PTGR1: variants seen among roughly 807,000 people sequenced by gnomAD.
PTGR1 encodes prostaglandin reductase 1.
Under a neutral mutation model 37.7 loss-of-function variants are expected in PTGR1, and 23 were observed. The ratio of observed to expected loss-of-function variants is 0.61; its 90% CI spans 0.44 to 0.86. The LOEUF is 0.86. Ranked by LOEUF, PTGR1 falls within the 40% of genes least tolerant of loss-of-function variation. The pLI is 0.00. For synonymous variants in PTGR1, 134 were observed against 140.0 expected (o/e 0.96, Z 0.30); for missense variants, 351 against 394.3 (o/e 0.89, Z 0.93).
intron 9 of PTGR1, among the ~76,000 whole-genome samples, chr9:111,553,584 A>C (rs1014060598): frequency 6.6e-6 from 1 of 152,218 alleles, no homozygotes; most frequent in African/African-American, 2.4e-5. Context: ...ATCTGTTGAT[A>C]CTGACTAGAT....
At chr9:111,564,823 T>TA (rs1828483460) in intron 9 of PTGR1, among the ~76,000 whole-genome samples, 1 of 151,834 alleles carries the variant, frequency 6.6e-6, no homozygotes, top group Non-Finnish European at 1.5e-5. Flanking sequence ...TAGGGCTTTT[T>TA]AAAAAAAGGT....
At chr9:111,549,940 G>A (rs1317748680) in intron 9 of PTGR1, 5 of 576,254 alleles carry the variant, frequency 8.7e-6, no homozygotes, top group Non-Finnish European at 1.5e-5. Flanking sequence ...GTCAATACTT[G>A]TTTCTTTGTA....
downstream of PTGR1, among the ~76,000 whole-genome samples, chr9:111,558,483 G>C (rs778007278): frequency 1.3e-5 from 2 of 152,132 alleles, no homozygotes; most frequent in Non-Finnish European, 2.9e-5. Flanking sequence ...TTTGAAGTCA[G>C]CCTGGACAAC....
At chr9:111,558,804 A>G (rs939346516), downstream of PTGR1, among the ~76,000 whole-genome samples, 1 of 152,090 alleles carries the variant, frequency 6.6e-6, no homozygotes, top group Non-Finnish European at 1.5e-5. Flanking sequence ...GTTCATACCA[A>G]TACCTCCAAT....
chr9:111,551,234 A>G (rs1827932962), intron 9 of PTGR1, among the ~76,000 whole-genome samples: 1 of 152,132 alleles, frequency 6.6e-6, no homozygotes. Context: ...TCTGGTATGT[A>G]ATGTGTTAAT....
chr9:111,564,379 C>T (rs981803532), intron 9 of PTGR1: 1 of 326,258 alleles, frequency 3.1e-6, no homozygotes, highest in Non-Finnish European at 4.7e-6. Flanking sequence ...AATCATAGCT[C>T]ACTGCAGTCT....
chr9:111,578,967 A>G lies in PTGR1; in HGVS notation c.496-16T>C. 1.3e-6 allele frequency: 2 copies of G among 1,570,838 alleles called. No individual in the cohort carries two copies. The highest frequency in any genetic ancestry group is 1.7e-6 in the Non-Finnish European group (2 of 1,168,208). ...CTTTGCAGCCCTAAGTAGAAAAAAA[A>G]AAAAAAAGGAAACCATGAATAAGTC... On this transcript the variant is annotated splice_polypyrimidine_tract_variant and intron_variant, in intron 6 of 9. Transcript: ENST00000407693.
downstream of PTGR1, among the ~76,000 whole-genome samples, chr9:111,560,974 TAGAGAGAGAG>T (rs1172194603): frequency 5.4e-4 from 5 of 9,332 alleles, no homozygotes; most frequent in African/African-American, 1.5e-3. Flanking sequence ...TATATATATA[TAGAGAGAGAG>T]AGAGAGAGAG....
intron 4 of PTGR1, 130 bp from the exon 5 acceptor site, chr9:111,586,295 A>G: frequency 2.3e-6 from 2 of 851,822 alleles, no homozygotes; most frequent in South Asian, 3.3e-5. Context: ...ATAGTCCACC[A>G]CCCCTCTCCA....
At position 111,562,910 on chromosome 9, in the gene PTGR1, T is replaced by TAA; in HGVS notation, c.*210_*211insTT. ...TACCACAACTCAGAAGAAGCTGTAGTGAACAGTGAGGTGACTGGTTGTTGT... is the reference window on the plus strand; with the variant it reads ...TACCACAACTCAGAAGAAGCTGTAGTAAGAACAGTGAGGTGACTGGTTGTTGT... On this transcript the variant is annotated 3_prime_UTR_variant, in exon 10 of 10. Transcript: ENST00000407693. 7.5e-7 allele frequency: 1 copy of TAA among 1,336,382 alleles called. No individual in the cohort carries two copies. The highest frequency in any genetic ancestry group is 1.9e-5 in the South Asian group (1 of 52,406). The allele number at this position is 1,336,382 out of a possible 1,614,324, so 82.8% of individuals were successfully genotyped here.
chr9:111,566,724 T>G (rs1368760968), intron 9 of PTGR1, among the ~76,000 whole-genome samples: 1 of 152,188 alleles, frequency 6.6e-6, no homozygotes, highest in Non-Finnish European at 1.5e-5. Flanking sequence ...TCATATACTA[T>G]TCTGGGGGCT....
intron 8 of PTGR1, among the ~76,000 whole-genome samples, chr9:111,571,692 A>G (rs1828829695): frequency 6.6e-6 from 1 of 151,970 alleles, no homozygotes; most frequent in Non-Finnish European, 1.5e-5. Flanking sequence ...TTTTTCTGTC[A>G]GAGATGAGGT....
rs931190111 is a variant in PTGR1, at chr9:111,562,893, C to G, written c.*228G>C. 11 of 1,252,662 alleles carry G rather than the reference C, an allele frequency of 8.8e-6. No individual in the cohort carries two copies. The highest frequency in any genetic ancestry group is 1.5e-5 in the African/African-American group (1 of 66,228). 77.6% of individuals were successfully genotyped at this position (1,252,662 alleles called of 1,614,324 possible). A position where few individuals can be genotyped will look rare whatever the true frequency, so the allele number is the denominator to read the frequency against. On this transcript the variant is annotated 3_prime_UTR_variant, in exon 10 of 10. Coordinates refer to ENST00000407693, the MANE Select transcript of PTGR1 (RefSeq NM_001146108.2). Reference sequence around the variant, plus strand: ...TCAAAGCCATTATTTTCTACCACAACTCAGAAGAAGCTGTAGTGAACAGTG... The same window carrying G: ...TCAAAGCCATTATTTTCTACCACAAGTCAGAAGAAGCTGTAGTGAACAGTG...
intron 7 of PTGR1, 145 bp from the exon 8 acceptor site, chr9:111,574,987 G>T: frequency 1.6e-6 from 1 of 622,556 alleles, no homozygotes. Flanking sequence ...GAAGACTGCA[G>T]TTAGAAAAAG....
At position 111,586,037 on chromosome 9, in the gene PTGR1, A is replaced by G; in HGVS notation, c.338T>C (p.Ile113Thr). The change falls in exon 5 of 10, where the codon ATA (isoleucine) becomes ACA (threonine). Residue 113 changes from isoleucine to threonine, a missense_variant. Transcript: ENST00000407693. The part of the protein sequence containing the change: ...EKLLTEWPDT[I>T]PLSLALGTVG... ...TGTCCCCAGAGCCAAAGACAGTGGT[A>G]TTGTGTCTGGCCACTCTGTCAGCAG... 8 of 1,614,218 alleles carry G rather than the reference A, an allele frequency of 5.0e-6. No homozygotes were observed. The highest frequency in any genetic ancestry group is 6.8e-6 in the Non-Finnish European group (8 of 1,180,030).
intron 9 of PTGR1, 147 bp downstream of exon 9, chr9:111,569,944 A>G: frequency 7.8e-7 from 1 of 1,286,086 alleles, no homozygotes. Context: ...AAAAGTAAGA[A>G]TATTTATACT....
chr9:111,554,338 TC>T (rs1828059808), intron 9 of PTGR1, among the ~76,000 whole-genome samples: 1 of 152,166 alleles, frequency 6.6e-6, no homozygotes. Flanking sequence ...TGCCCAGAGA[TC>T]AATCATATAA....
At chr9:111,568,586 A>C (rs549331745) in intron 9 of PTGR1, among the ~76,000 whole-genome samples, 2 of 152,152 alleles carry the variant, frequency 1.3e-5, no homozygotes, top group Non-Finnish European at 2.9e-5. Context: ...CCTTTGAAGC[A>C]TGTGATCTTT....
At chr9:111,595,942 C>T (rs1163928828) in intron 2 of PTGR1, among the ~76,000 whole-genome samples, 1 of 152,108 alleles carries the variant, frequency 6.6e-6, no homozygotes, top group Non-Finnish European at 1.5e-5. Flanking sequence ...CGAGACTCAT[C>T]TTATAGTCTG....
Sources: gnomAD v4.1 joint callset for allele counts (sites outside exome capture counted in the v4.1 genomes callset) on GRCh38, gnomAD v4.1.1 for gene constraint, MANE v1.5 for transcripts, NCBI Gene and HGNC (gene_info 2026-07-23, HGNC 2026-07-21) for gene names.